Variants in TRIM2 observed in about 807,000 individuals in gnomAD.
The protein encoded by TRIM2 is tripartite motif-containing protein 2.
TRIM2 carries 20 observed loss-of-function variants against 75.2 expected under a neutral mutation model. The ratio of observed to expected loss-of-function variants is 0.27; its 90% CI spans 0.19 to 0.39. TRIM2 has a LOEUF of 0.39. TRIM2 is among the 10% of genes least tolerant of loss of function. TRIM2 has a pLI of 1.00. For missense variants in TRIM2, 660 were observed against 990.8 expected (o/e 0.67, Z 4.48); for synonymous variants, 373 against 388.3 (o/e 0.96, Z 0.46).
intron 1 of TRIM2, among the ~76,000 whole-genome samples, chr4:153,224,244 C>A (rs1334569987): frequency 6.6e-6 from 1 of 152,216 alleles, no homozygotes; most frequent in African/African-American, 2.4e-5. Context: ...CTTTGTGATA[C>A]ACATTGCATT....
intron 3 of TRIM2, among the ~76,000 whole-genome samples, chr4:153,281,573 G>T (rs1194884871): frequency 2.6e-5 from 4 of 152,188 alleles, no homozygotes; most frequent in Non-Finnish European, 5.9e-5. Context: ...GCTGTGAGTA[G>T]ATCTTTAAAA....
intron 1 of TRIM2, chr4:153,257,733 C>T (rs1752424156): frequency 1.6e-6 from 1 of 619,918 alleles, no homozygotes; most frequent in Non-Finnish European, 2.6e-6. Flanking sequence ...TAATTCTTTG[C>T]CTCGTTGGTT....
In TRIM2 at chr4:153,234,613, G is replaced by T. The variant is rs1256379769; in HGVS notation, c.30+30053G>T. Reference sequence around the variant, plus strand: ...AGGCAGGCTACTGAATGTCCTTGTGGCTTAGAGTCATTGTCTGTAAAATGA... The same window carrying T: ...AGGCAGGCTACTGAATGTCCTTGTGTCTTAGAGTCATTGTCTGTAAAATGA... On this transcript the variant is annotated intron_variant, in intron 1 of 11. Transcript: ENST00000338700. Among the ~76,000 whole-genome samples the T allele has an allele frequency of 3.9e-5, 6 of 152,180 alleles. No homozygotes were observed. The East Asian group carries it at 9.6e-4, about 24-fold the overall frequency.
chr4:153,308,403 AG>A, intron 6 of TRIM2: 2 of 875,574 alleles, frequency 2.3e-6, no homozygotes, highest in South Asian at 2.6e-5. Context: ...GTTGGTTCCC[AG>A]CCCCTTCATG....
intron 1 of TRIM2, among the ~76,000 whole-genome samples, chr4:153,194,916 C>G (rs1733612794): frequency 6.6e-6 from 1 of 152,176 alleles, no homozygotes. Flanking sequence ...ACCTCTCCAG[C>G]CCTGGAGCAA....
intron 1 of TRIM2, among the ~76,000 whole-genome samples, chr4:153,197,850 G>A (rs952003829): frequency 3.3e-5 from 5 of 152,118 alleles, no homozygotes; most frequent in Non-Finnish European, 7.4e-5. Flanking sequence ...TCCAGCCTGG[G>A]CAACAAGAGC....
At chr4:153,326,404 G>A in intron 10 of TRIM2, among the ~76,000 whole-genome samples, 1 of 152,008 alleles carries the variant, frequency 6.6e-6, no homozygotes, top group East Asian at 1.9e-4. Context: ...GACAACTATT[G>A]CCAAATAAGT....
At chr4:153,312,987 C>T (rs1766695743) in intron 6 of TRIM2, among the ~76,000 whole-genome samples, 1 of 152,072 alleles carries the variant, frequency 6.6e-6, no homozygotes, top group African/African-American at 2.4e-5. Flanking sequence ...ATGGCAGTGC[C>T]CGTTTCATCT....
chr4:153,299,039 A>G lies in TRIM2; in HGVS notation c.1510+3003A>G, dbSNP rs78867482. ...CCGGCGTGAGCCACCATGCCTAGCC[A>G]TAATATATTAACTATAGTCACCATG... is the stretch of plus-strand genomic sequence containing the variant. On this transcript the variant is annotated intron_variant, in intron 6 of 11. Coordinates refer to ENST00000338700, the MANE Select transcript of TRIM2 (RefSeq NM_015271.5). 6.1e-3 allele frequency among the ~76,000 whole-genome samples: 929 copies of G among 152,226 alleles called. 10 individuals are homozygous for G. The highest frequency in any genetic ancestry group is 0.021 in the African/African-American group (879 of 41,532).
At chr4:153,193,874 C>T (rs986485305) in intron 1 of TRIM2, among the ~76,000 whole-genome samples, 11 of 152,056 alleles carry the variant, frequency 7.2e-5, no homozygotes, top group East Asian at 1.9e-4. Flanking sequence ...GTGGGAGAGA[C>T]GAACTGGGAG....
At chr4:153,182,364 G>C (rs528587634) in intron 1 of TRIM2, among the ~76,000 whole-genome samples, 6 of 152,296 alleles carry the variant, frequency 3.9e-5, no homozygotes, top group African/African-American at 1.4e-4. Context: ...TTGGGAAAAA[G>C]AGTCCTGAGA....
intron 1 of TRIM2, among the ~76,000 whole-genome samples, chr4:153,224,585 AC>A (rs1741618724): frequency 6.6e-6 from 1 of 152,202 alleles, no homozygotes; most frequent in Admixed American, 6.5e-5. Flanking sequence ...ACCATCACTG[AC>A]AAGGTTTGTT....
At chr4:153,230,839 T>C (rs1243871726) in intron 1 of TRIM2, among the ~76,000 whole-genome samples, 3 of 152,252 alleles carry the variant, frequency 2.0e-5, no homozygotes, top group African/African-American at 7.2e-5. Context: ...TTCATCAACA[T>C]AGCAGGTAAC....
intron 1 of TRIM2, among the ~76,000 whole-genome samples, chr4:153,244,376 TTC>T (rs1748186611): frequency 6.5e-5 from 4 of 61,486 alleles, no homozygotes; most frequent in Non-Finnish European, 1.1e-4. Flanking sequence ...CTTCTTCTTC[TTC>T]TTCTTCTTCT....
intron 9 of TRIM2, among the ~76,000 whole-genome samples, chr4:153,323,512 C>T (rs573915793): frequency 4.6e-5 from 7 of 151,588 alleles, no homozygotes; most frequent in East Asian, 1.9e-4. Context: ...GACAGGGTCT[C>T]GCTCTGTCAC....
chr4:153,244,437 T>TCTTCCTCTTCTTCTTC (rs1206105496), intron 1 of TRIM2, among the ~76,000 whole-genome samples: 1 of 102,522 alleles, frequency 9.8e-6, no homozygotes, highest in Non-Finnish European at 1.8e-5. Context: ...TTCTTCTTCT[T>TCTTCCTCTTCTTCTTC]TTAATTAGAG....
chr4:153,245,994 A>G (rs1258197147), intron 1 of TRIM2, among the ~76,000 whole-genome samples: 1 of 152,132 alleles, frequency 6.6e-6, no homozygotes. Flanking sequence ...ACCTACTGTT[A>G]ATGGCTGCTC....
At chr4:153,262,079 T>C (rs1003131015) in intron 1 of TRIM2, among the ~76,000 whole-genome samples, 2 of 152,264 alleles carry the variant, frequency 1.3e-5, no homozygotes, top group African/African-American at 4.8e-5. Flanking sequence ...GGGATTTATG[T>C]GCCAACCTTC....
intron 1 of TRIM2, among the ~76,000 whole-genome samples, chr4:153,195,272 A>C (rs900145546): frequency 6.6e-6 from 1 of 152,136 alleles, no homozygotes; most frequent in African/African-American, 2.4e-5. Flanking sequence ...TAATCCCAGC[A>C]CTTTGGGAGG....
Sources: gnomAD v4.1 joint callset for allele counts (sites outside exome capture counted in the v4.1 genomes callset) on GRCh38, gnomAD v4.1.1 for gene constraint, MANE v1.5 for transcripts, NCBI Gene and HGNC (gene_info 2026-07-23, HGNC 2026-07-21) for gene names.